LHFPL3: variants seen among roughly 807,000 people sequenced by gnomAD.
The protein encoded by LHFPL3 is LHFPL tetraspan subfamily member 3 protein.
LHFPL3 carries 5 observed loss-of-function variants against 19.3 expected under a neutral mutation model. The ratio of observed to expected loss-of-function variants is 0.26; its 90% CI spans 0.14 to 0.54. The LOEUF (loss-of-function observed/expected upper bound fraction) is 0.54. LHFPL3 is among the 20% of genes least tolerant of loss of function. The pLI is 0.94. For synonymous variants in LHFPL3, 133 were observed against 126.2 expected, an observed-to-expected ratio of 1.05 and a Z score of -0.36; for missense variants, 249 against 307.4, an observed-to-expected ratio of 0.81 and a Z score of 1.42.
intron 2 of LHFPL3, among the ~76,000 whole-genome samples, chr7:104,868,783 A>C (rs1356480541): frequency 2.0e-5 from 3 of 152,168 alleles, no homozygotes; most frequent in Non-Finnish European, 4.4e-5. Context: ...TCCTAACCCA[A>C]AAGAACAAAA....
At position 104,674,009 on chromosome 7, in the gene LHFPL3, CATGTT is replaced by C. The variant is rs1562963041; in HGVS notation, c.446-62665_446-62661del. Among the ~76,000 whole-genome samples, 974 of 151,758 alleles carry C rather than the reference CATGTT, an allele frequency of 6.4e-3. 4 individuals carry two copies. Among genetic ancestry groups the C allele is most frequent in the Non-Finnish European group, 0.01 (683 of 67,974 alleles). On this transcript the variant is annotated intron_variant, in intron 1 of 2. Coordinates refer to ENST00000424859, the MANE Select transcript of LHFPL3 (RefSeq NM_199000.3). ...CCTTGGTGAAAAGAGACCAACTGGA[CATGTT>C]CAGTTCTTTTTCCAAGACTTTTCCA...
At chr7:104,704,921 C>T (rs1793165030) in intron 1 of LHFPL3, among the ~76,000 whole-genome samples, 1 of 152,194 alleles carries the variant, frequency 6.6e-6, no homozygotes, top group South Asian at 2.1e-4. Context: ...TAGGCATGAG[C>T]CATTGCACTG....
At chr7:104,343,370 G>A (rs1408520431) in intron 1 of LHFPL3, among the ~76,000 whole-genome samples, 7 of 151,382 alleles carry the variant, frequency 4.6e-5, no homozygotes, top group African/African-American at 1.7e-4. Flanking sequence ...AAAATTAGCC[G>A]GGCATGGTGG....
intron 2 of LHFPL3, among the ~76,000 whole-genome samples, chr7:104,848,846 G>GCTTC (rs1791362110): frequency 6.6e-6 from 1 of 152,094 alleles, no homozygotes; most frequent in Non-Finnish European, 1.5e-5. Context: ...TGCCAAGCTG[G>GCTTC]CTTCCTAGTT....
chr7:104,399,107 A>T lies in LHFPL3; in HGVS notation c.445+69883A>T, dbSNP rs1403835211. ...TGTGTGCTACTGAAAGACACACAGG[A>T]TAGTGGGGGAAGATGTCACTTCCTA... On this transcript the variant is annotated intron_variant, in intron 1 of 2. Transcript: ENST00000424859. The surrounding 1 kb of genome is among the most constrained non-coding windows in gnomAD (Gnocchi z 4.4). 1.3e-5 allele frequency among the ~76,000 whole-genome samples: 2 copies of T among 152,132 alleles called. No individual in the cohort carries two copies. Among genetic ancestry groups the T allele is most frequent in the African/African-American group, 4.8e-5 (2 of 41,420 alleles).
chr7:104,459,983 ATT>A (rs1288355299), intron 1 of LHFPL3, among the ~76,000 whole-genome samples: 1 of 151,968 alleles, frequency 6.6e-6, no homozygotes, highest in Non-Finnish European at 1.5e-5. Flanking sequence ...CCCAATGGTT[ATT>A]TTTTCTGATC....
intron 1 of LHFPL3, among the ~76,000 whole-genome samples, chr7:104,430,420 A>ATGTGTG (rs1562895215): frequency 8.5e-5 from 1 of 11,810 alleles, no homozygotes; most frequent in Non-Finnish European, 1.8e-4. Context: ...ATATATATAC[A>ATGTGTG]TATATATATA....
chr7:104,647,988 T>C (rs1791961749), intron 1 of LHFPL3, among the ~76,000 whole-genome samples: 1 of 152,236 alleles, frequency 6.6e-6, no homozygotes, highest in African/African-American at 2.4e-5. Context: ...GCCTGCTAAC[T>C]AAAATGGATT....
At chr7:104,434,922 G>A (rs547557112) in intron 1 of LHFPL3, among the ~76,000 whole-genome samples, 1 of 151,848 alleles carries the variant, frequency 6.6e-6, no homozygotes, top group African/African-American at 2.4e-5. Context: ...TTTTTATTAG[G>A]CATTTGCTTA....
At chr7:104,604,010 G>A (rs1417984125) in intron 1 of LHFPL3, among the ~76,000 whole-genome samples, 2 of 152,178 alleles carry the variant, frequency 1.3e-5, no homozygotes, top group Non-Finnish European at 2.9e-5. Context: ...CGTGTCTAAG[G>A]GGTGGTCACA....
intron 1 of LHFPL3, among the ~76,000 whole-genome samples, chr7:104,524,756 G>C (rs1401872977): frequency 6.6e-6 from 1 of 152,162 alleles, no homozygotes; most frequent in Non-Finnish European, 1.5e-5. Flanking sequence ...AGGCTGAATT[G>C]TATTTGACCC....
intron 1 of LHFPL3, among the ~76,000 whole-genome samples, chr7:104,358,545 G>A (rs1276473289): frequency 6.6e-6 from 1 of 152,152 alleles, no homozygotes; most frequent in Admixed American, 6.5e-5. Context: ...TGTTCTACAT[G>A]TACAGCTTAT....
chr7:104,851,382 G>A (rs2116614663), intron 2 of LHFPL3, among the ~76,000 whole-genome samples: 1 of 152,330 alleles, frequency 6.6e-6, no homozygotes, highest in African/African-American at 2.4e-5. Flanking sequence ...TCTCTAGGCT[G>A]TGAGTCCATC....
intron 1 of LHFPL3, among the ~76,000 whole-genome samples, chr7:104,664,028 T>C (rs1029845382): frequency 2.0e-5 from 3 of 152,252 alleles, no homozygotes; most frequent in Non-Finnish European, 4.4e-5. Flanking sequence ...TTTGACTTGC[T>C]ATTTATTACA....
chr7:104,462,805 A>C (rs1308870128), intron 1 of LHFPL3, among the ~76,000 whole-genome samples: 2 of 152,096 alleles, frequency 1.3e-5, no homozygotes, highest in Non-Finnish European at 2.9e-5. Flanking sequence ...TCATAGCTTC[A>C]ATGGAATGGT....
At chr7:104,756,816 A>G (rs1395930560) in intron 2 of LHFPL3, among the ~76,000 whole-genome samples, 1 of 152,172 alleles carries the variant, frequency 6.6e-6, no homozygotes, top group Non-Finnish European at 1.5e-5. Context: ...GTTACCTTTT[A>G]AAGAAGCATT....
chr7:104,695,405 C>G (rs12535033), intron 1 of LHFPL3, among the ~76,000 whole-genome samples: 79,130 of 152,102 alleles, frequency 0.52, 20,852 homozygotes, highest in East Asian at 0.59. Context: ...GAAGCAAGAA[C>G]ACAGATGAGA....
intron 1 of LHFPL3, among the ~76,000 whole-genome samples, chr7:104,720,865 G>T (rs570173796): frequency 2.0e-5 from 3 of 152,094 alleles, no homozygotes; most frequent in Non-Finnish European, 4.4e-5. Context: ...TTAGAATGGC[G>T]ATCATTAAAA....
At chr7:104,634,640 G>A (rs1791700411) in intron 1 of LHFPL3, among the ~76,000 whole-genome samples, 2 of 152,170 alleles carry the variant, frequency 1.3e-5, no homozygotes, top group African/African-American at 2.4e-5. Context: ...GCCCTAGTAT[G>A]CTGGCATCCA....
Sources: allele counts gnomAD v4.1 joint callset (sites outside exome capture counted in the v4.1 genomes callset), GRCh38; gene constraint gnomAD v4.1.1; non-coding constraint Gnocchi (gnomAD v3.1); transcripts MANE v1.5; gene names NCBI Gene and HGNC (gene_info 2026-07-23, HGNC 2026-07-21).